The following WDR26 variants were observed in gnomAD, a reference collection of about 807,000 sequenced individuals.
WDR26 encodes the protein WD repeat-containing protein 26.
Under a neutral mutation model 84.1 loss-of-function variants are expected in WDR26, and 5 were observed. The observed-to-expected ratio is 0.06, with a 90% CI of 0.03 to 0.13. The LOEUF is 0.13. Ranked by LOEUF, WDR26 falls within the 10% of genes least tolerant of loss-of-function variation. WDR26 has a pLI of 1.00. For missense variants in WDR26, 642 were observed against 974.9 expected (o/e 0.66, Z 4.55); for synonymous variants, 415 against 389.6 (o/e 1.07, Z -0.77).
At chr1:224,409,091 A>G (rs1042381372) in intron 7 of WDR26, among the ~76,000 whole-genome samples, 1 of 152,134 alleles carries the variant, frequency 6.6e-6, no homozygotes, top group Non-Finnish European at 1.5e-5. Flanking sequence ...TATACTAGCT[A>G]GTATACTAAA....
intron 12 of WDR26, 161 bp downstream of exon 12, chr1:224,397,936 A>C: frequency 1.2e-6 from 1 of 801,884 alleles, no homozygotes; most frequent in East Asian, 2.9e-5. Context: ...GTGATAATAC[A>C]GGGGCTTAGG....
intron 4 of WDR26, 33 bp downstream of exon 4, chr1:224,424,485 A>G (rs2102919429): frequency 8.1e-6 from 13 of 1,609,998 alleles, no homozygotes; most frequent in Non-Finnish European, 1.1e-5. Context: ...TTGGCCCTCC[A>G]TTAACCTGAG....
chr1:224,390,541 T>G (rs1673096589), intron 13 of WDR26, among the ~76,000 whole-genome samples: 1 of 152,240 alleles, frequency 6.6e-6, no homozygotes, highest in Non-Finnish European at 1.5e-5. Flanking sequence ...AATAACGTGT[T>G]ATAACTATGG....
At chr1:224,414,047 C>T (rs540549107) in intron 6 of WDR26, among the ~76,000 whole-genome samples, 3 of 151,152 alleles carry the variant, frequency 2.0e-5, no homozygotes, top group Admixed American at 6.6e-5. Flanking sequence ...CCTGACCTCA[C>T]GTGATCCAGC....
intron 13 of WDR26, among the ~76,000 whole-genome samples, chr1:224,391,188 A>C (rs778799775): frequency 6.6e-6 from 1 of 151,804 alleles, no homozygotes; most frequent in Non-Finnish European, 1.5e-5. Context: ...CCAACATGGA[A>C]AAACCCCATC....
At chr1:224,390,152 G>A (rs941074218) in intron 13 of WDR26, among the ~76,000 whole-genome samples, 1 of 152,062 alleles carries the variant, frequency 6.6e-6, no homozygotes, top group Non-Finnish European at 1.5e-5. Flanking sequence ...TTTGAGACAG[G>A]ATCCCACTCT....
intron 8 of WDR26, among the ~76,000 whole-genome samples, chr1:224,401,743 G>A (rs1209675053): frequency 7.0e-6 from 1 of 143,078 alleles, no homozygotes; most frequent in African/African-American, 2.6e-5. Context: ...CCATAAAGTA[G>A]GCAAAGGGCA....
At chr1:224,418,592 G>C (rs1673972672) in intron 5 of WDR26, among the ~76,000 whole-genome samples, 176 bp from the exon 6 acceptor site, 1 of 152,178 alleles carries the variant, frequency 6.6e-6, no homozygotes, top group Admixed American at 6.5e-5. Context: ...AGCAGCAATA[G>C]CTATGCTGCT....
In WDR26 at chr1:224,385,621, A is replaced by G. The variant is rs1672976236; in HGVS notation, c.*4214T>C. ...TTGACAATTTAGAAATCTTGAGATC[A>G]ACACTTAAGTTCTTTTCTTGATCTC... On this transcript the variant is annotated 3_prime_UTR_variant, in exon 14 of 14. Transcript: ENST00000414423. 6.6e-6 allele frequency: 1 copy of G among 150,868 alleles called. No individual in the cohort carries two copies. The highest frequency in any genetic ancestry group is 2.5e-5 in the African/African-American group (1 of 40,778). The allele number at this position is 150,868 out of a possible 1,614,324, so 9.3% of individuals were successfully genotyped here.
chr1:224,417,549 T>G (rs1413774326), intron 6 of WDR26, among the ~76,000 whole-genome samples: 1 of 152,140 alleles, frequency 6.6e-6, no homozygotes, highest in African/African-American at 2.4e-5. Flanking sequence ...CAAAAAAACT[T>G]AAGAATTAGC....
chr1:224,427,107 A>T (rs1361011957), intron 3 of WDR26, among the ~76,000 whole-genome samples: 4 of 148,150 alleles, frequency 2.7e-5, no homozygotes, highest in Middle Eastern at 3.4e-3. Flanking sequence ...CTGTCTCCAA[A>T]AAAAAAAAAA....
chr1:224,422,639 A>C (rs1215896590), intron 4 of WDR26, among the ~76,000 whole-genome samples: 1 of 151,974 alleles, frequency 6.6e-6, no homozygotes, highest in Non-Finnish European at 1.5e-5. Context: ...ACTTGAACCC[A>C]GGAGGCGAAG....
At chr1:224,406,937 T>C (rs1673582527) in intron 7 of WDR26, among the ~76,000 whole-genome samples, 2 of 150,502 alleles carry the variant, frequency 1.3e-5, no homozygotes, top group African/African-American at 4.9e-5. Context: ...GCCTGGCCAA[T>C]GTGGTGAAAC....
At chr1:224,416,333 T>C (rs1262963107) in intron 6 of WDR26, among the ~76,000 whole-genome samples, 1 of 152,088 alleles carries the variant, frequency 6.6e-6, no homozygotes, top group Non-Finnish European at 1.5e-5. Flanking sequence ...GTTCACACCA[T>C]TCTCCTGCCT....
chr1:224,426,149 C>T (rs1674204729), intron 3 of WDR26, among the ~76,000 whole-genome samples: 2 of 152,166 alleles, frequency 1.3e-5, no homozygotes, highest in Non-Finnish European at 2.9e-5. Context: ...TGAGACACCG[C>T]ACCCGGCCCA....
In WDR26 at chr1:224,385,458, G is replaced by T. The variant is rs761382242; in HGVS notation, c.*4377C>A. Reference sequence around the variant, plus strand: ...CTAAGTAAATATAATCTGAGAGGCAGTTAAAAAAACAAAAATCAAAACCCA... The same window carrying T: ...CTAAGTAAATATAATCTGAGAGGCATTTAAAAAAACAAAAATCAAAACCCA... On this transcript the variant is annotated 3_prime_UTR_variant, in exon 14 of 14. Coordinates refer to ENST00000414423, the MANE Select transcript of WDR26 (RefSeq NM_001379403.1). 2.6e-5 allele frequency: 4 copies of T among 152,518 alleles called. No homozygotes were observed. Among genetic ancestry groups the T allele is most frequent in the Non-Finnish European group, 5.9e-5 (4 of 68,010 alleles). 9.4% of individuals were successfully genotyped at this position (152,518 alleles called of 1,614,324 possible).
intron 7 of WDR26, among the ~76,000 whole-genome samples, chr1:224,409,637 G>A (rs1160345612): frequency 6.6e-6 from 1 of 151,536 alleles, no homozygotes; most frequent in African/African-American, 2.4e-5. Context: ...CGAGGTGGGC[G>A]ATCAGCTGAG....
Position 224,434,434 on chromosome 1 carries a change from G to A in WDR26, c.-29C>T, listed in dbSNP as rs1385975287. 2 of 966,262 alleles carry A rather than the reference G, an allele frequency of 2.1e-6. No homozygotes were observed. The highest frequency in any genetic ancestry group is 3.6e-5 in the African/African-American group (2 of 55,116). The allele number at this position is 966,262 out of a possible 1,614,324, so 59.9% of individuals were successfully genotyped here. A position where few individuals can be genotyped will look rare whatever the true frequency, so the allele number is the denominator to read the frequency against. ...GGGAAGCCGGTGGGGCGAGGCGGGG[G>A]AGGGGAGGCGGGGGCCGGGGAGAGG... On this transcript the variant is annotated 5_prime_UTR_variant, in exon 1 of 14. Coordinates refer to ENST00000414423, the MANE Select transcript of WDR26 (RefSeq NM_001379403.1).
intron 6 of WDR26, among the ~76,000 whole-genome samples, chr1:224,411,860 C>G (rs982693891): frequency 3.3e-5 from 5 of 152,134 alleles, no homozygotes; most frequent in Admixed American, 3.3e-4. Context: ...CCTGTGACAC[C>G]AGGCCCAGCT....
Sources: gnomAD v4.1 joint callset for allele counts (sites outside exome capture counted in the v4.1 genomes callset) on GRCh38, gnomAD v4.1.1 for gene constraint, MANE v1.5 for transcripts, NCBI Gene and HGNC (gene_info 2026-07-23, HGNC 2026-07-21) for gene names.